The following MIPOL1 variants were observed in gnomAD, a reference collection of about 807,000 sequenced individuals.
MIPOL1 encodes the protein mirror-image polydactyly 1.
In MIPOL1, 57 loss-of-function variants were observed where a neutral mutation model predicts 60.9. The observed-to-expected ratio is 0.94, with a 90% CI of 0.76 to 1.17. The LOEUF (loss-of-function observed/expected upper bound fraction) is 1.17. Ranked by LOEUF, MIPOL1 falls within the 50% of genes most tolerant of loss-of-function variation. MIPOL1 has a pLI of 0.00. For missense variants in MIPOL1, 551 were observed against 511.6 expected (o/e 1.08, Z -0.74); for synonymous variants, 179 against 168.8 (o/e 1.06, Z -0.47).
intron 7 of MIPOL1, among the ~76,000 whole-genome samples, chr14:37,292,475 T>C (rs2085185870): frequency 1.4e-5 from 2 of 138,988 alleles, no homozygotes; most frequent in South Asian, 4.9e-4. Context: ...CTTTTTTTTT[T>C]TTTTTTTTTT....
chr14:37,235,885 G>A (rs533380428), intron 1 of MIPOL1, among the ~76,000 whole-genome samples: 8 of 151,874 alleles, frequency 5.3e-5, no homozygotes, highest in African/African-American at 1.7e-4. Context: ...CAATACACAA[G>A]GGTTCCAGTT....
intron 1 of MIPOL1, among the ~76,000 whole-genome samples, chr14:37,209,846 A>G (rs1966653010): frequency 6.6e-6 from 1 of 150,882 alleles, no homozygotes; most frequent in South Asian, 2.1e-4. Flanking sequence ...TGGGACTACA[A>G]GTGTGCCACC....
At chr14:37,460,949 A>T (rs1377351359) in intron 11 of MIPOL1, among the ~76,000 whole-genome samples, 1 of 152,222 alleles carries the variant, frequency 6.6e-6, no homozygotes, top group African/African-American at 2.4e-5. Flanking sequence ...TACAGATTCA[A>T]CATAATTCCT....
At chr14:37,246,992 C>T (rs1468405198) in intron 1 of MIPOL1, 111 bp from the exon 2 acceptor site, 2 of 152,112 alleles carry the variant, frequency 1.3e-5, no homozygotes, top group Non-Finnish European at 2.9e-5. Flanking sequence ...GTATATGAAT[C>T]TCTTATTAAA....
chr14:37,231,617 C>G (rs1022420461), intron 1 of MIPOL1, among the ~76,000 whole-genome samples: 1 of 151,898 alleles, frequency 6.6e-6, no homozygotes, highest in East Asian at 1.9e-4. Context: ...CCTGTTTATG[C>G]TAATTGTATC....
chr14:37,449,158 C>CATTTTA (rs2094382374), intron 11 of MIPOL1, among the ~76,000 whole-genome samples: 1 of 151,918 alleles, frequency 6.6e-6, no homozygotes, highest in South Asian at 2.1e-4. Context: ...AAATTTTTGC[C>CATTTTA]GTGTCAAAGT....
chr14:37,249,732 T>G (rs1973782496), intron 3 of MIPOL1, among the ~76,000 whole-genome samples: 2 of 152,130 alleles, frequency 1.3e-5, no homozygotes, highest in Admixed American at 1.3e-4. Context: ...GGAACTAATT[T>G]GTTATAGCTG....
chr14:37,503,922 C>A (rs1486634510), intron 12 of MIPOL1: 1 of 152,024 alleles, frequency 6.6e-6, no homozygotes, highest in Non-Finnish European at 1.5e-5. Flanking sequence ...ATCTACCAAG[C>A]AAATGGAAAA....
intron 9 of MIPOL1, among the ~76,000 whole-genome samples, chr14:37,358,638 T>A (rs1271334821): frequency 6.6e-6 from 1 of 152,188 alleles, no homozygotes; most frequent in Non-Finnish European, 1.5e-5. Context: ...ATGTCTTCTT[T>A]TGAGAAGTGT....
At chr14:37,311,641 A>G (rs1297717966) in intron 9 of MIPOL1, among the ~76,000 whole-genome samples, 2 of 152,148 alleles carry the variant, frequency 1.3e-5, no homozygotes, top group Non-Finnish European at 2.9e-5. Flanking sequence ...TGATTTTTTA[A>G]AAATAAATTT....
intron 11 of MIPOL1, among the ~76,000 whole-genome samples, chr14:37,456,810 G>T (rs1222320026): frequency 1.3e-5 from 2 of 151,852 alleles, no homozygotes; most frequent in Non-Finnish European, 2.9e-5. Flanking sequence ...TTCTTAATAT[G>T]AAAAAAGCTC....
chr14:37,305,336 C>A (rs2086692017), intron 7 of MIPOL1, among the ~76,000 whole-genome samples: 1 of 151,814 alleles, frequency 6.6e-6, no homozygotes, highest in Non-Finnish European at 1.5e-5. Flanking sequence ...CATTTTCCAA[C>A]ACTCTGTATC....
At chr14:37,322,891 G>C (rs1437845162) in intron 9 of MIPOL1, among the ~76,000 whole-genome samples, 1 of 151,984 alleles carries the variant, frequency 6.6e-6, no homozygotes, top group Non-Finnish European at 1.5e-5. Context: ...TTGTCAGATA[G>C]ATAGATTGCA....
intron 1 of MIPOL1, among the ~76,000 whole-genome samples, chr14:37,200,535 A>G (rs1265248511): frequency 6.6e-6 from 1 of 152,080 alleles, no homozygotes; most frequent in Non-Finnish European, 1.5e-5. Context: ...TCTAGTTAGA[A>G]GTTGTTTGGT....
intron 12 of MIPOL1, among the ~76,000 whole-genome samples, chr14:37,537,913 ACTT>A (rs1457486756): frequency 6.6e-6 from 1 of 152,204 alleles, no homozygotes; most frequent in African/African-American, 2.4e-5. Flanking sequence ...CAGTCTAGAA[ACTT>A]CTGCTTCTGT....
chr14:37,419,286 T>C (rs1443669382), intron 10 of MIPOL1, among the ~76,000 whole-genome samples: 1 of 152,206 alleles, frequency 6.6e-6, no homozygotes, highest in Non-Finnish European at 1.5e-5. Context: ...TATGACATTC[T>C]TAAAAAGGAA....
chr14:37,399,380 T>C (rs922745557), intron 10 of MIPOL1, among the ~76,000 whole-genome samples: 4 of 152,166 alleles, frequency 2.6e-5, no homozygotes. Flanking sequence ...CAATCCCAGG[T>C]TCTTTTCTGT....
intron 6 of MIPOL1, among the ~76,000 whole-genome samples, chr14:37,281,523 G>A (rs1012555888): frequency 3.3e-5 from 5 of 152,172 alleles, no homozygotes; most frequent in African/African-American, 1.2e-4. Context: ...TCCTGCCTCA[G>A]CCTCCTGAGT....
chr14:37,534,661 G>A (rs2095497829), intron 12 of MIPOL1, among the ~76,000 whole-genome samples: 1 of 152,126 alleles, frequency 6.6e-6, no homozygotes, highest in African/African-American at 2.4e-5. Flanking sequence ...AATATCCCCT[G>A]AGAGACAAAG....
Sources: allele counts gnomAD v4.1 joint callset (sites outside exome capture counted in the v4.1 genomes callset), GRCh38; gene constraint gnomAD v4.1.1; transcripts MANE v1.5; gene names NCBI Gene and HGNC (gene_info 2026-07-23, HGNC 2026-07-21).